The following PTPRT variants were observed in gnomAD, a reference collection of about 807,000 sequenced individuals.
The protein encoded by PTPRT is protein tyrosine phosphatase receptor type T.
PTPRT carries 56 observed loss-of-function variants against 176.8 expected under a neutral mutation model. The ratio of observed to expected loss-of-function variants is 0.32; its 90% CI spans 0.26 to 0.40. The LOEUF is 0.40. Among genes scored for constraint, PTPRT ranks in the 10% least tolerant of loss-of-function variants. PTPRT has a pLI of 1.00. For missense variants in PTPRT, 1,540 were observed against 1,908.2 expected (o/e 0.81, Z 3.60); for synonymous variants, 783 against 739.0 (o/e 1.06, Z -0.96).
At chr20:42,720,203 T>C (rs1473657218) in intron 6 of PTPRT, among the ~76,000 whole-genome samples, 1 of 152,204 alleles carries the variant, frequency 6.6e-6, no homozygotes, top group African/African-American at 2.4e-5. Flanking sequence ...TGAATATATA[T>C]TGAACATTGC....
intron 6 of PTPRT, among the ~76,000 whole-genome samples, chr20:42,749,018 A>ATG (rs1035397006): frequency 1.3e-5 from 2 of 152,116 alleles, no homozygotes; most frequent in Admixed American, 6.5e-5. Flanking sequence ...TCTCAACGCC[A>ATG]TGTGCCTTTT....
intron 6 of PTPRT, among the ~76,000 whole-genome samples, chr20:42,741,822 C>T (rs760327074): frequency 7.0e-4 from 107 of 152,004 alleles, no homozygotes; most frequent in Non-Finnish European, 6.0e-4. Flanking sequence ...GTACTAGATA[C>T]GGGTCAATAA....
At chr20:42,832,206 C>A (rs1004401271) in intron 2 of PTPRT, among the ~76,000 whole-genome samples, 8 of 152,242 alleles carry the variant, frequency 5.3e-5, no homozygotes, top group African/African-American at 1.9e-4. Context: ...TGAATGAGAT[C>A]ATGTCTTGCA....
At chr20:42,215,377 G>A (rs757066761) in intron 15 of PTPRT, among the ~76,000 whole-genome samples, 36 of 152,194 alleles carry the variant, frequency 2.4e-4, no homozygotes, top group Non-Finnish European at 4.7e-4. Flanking sequence ...CAGAGTTACT[G>A]TGATGATGAG....
At chr20:42,083,244 G>A (rs183646631) in intron 29 of PTPRT, among the ~76,000 whole-genome samples, 28 of 152,188 alleles carry the variant, frequency 1.8e-4, no homozygotes, top group Non-Finnish European at 3.4e-4. Context: ...AAAGGAAGAG[G>A]TGAGTAGACA....
chr20:43,148,641 T>C (rs923587230), intron 1 of PTPRT, among the ~76,000 whole-genome samples: 1 of 152,186 alleles, frequency 6.6e-6, no homozygotes. Flanking sequence ...CAGTGGGTCA[T>C]TGCTCATTAA....
intron 1 of PTPRT, among the ~76,000 whole-genome samples, chr20:43,145,061 C>T (rs1568810907): frequency 6.6e-6 from 1 of 152,172 alleles, no homozygotes; most frequent in Admixed American, 6.5e-5. Context: ...TCACCCCTAC[C>T]CTCTGCTTCT....
At chr20:42,896,203 C>A (rs1044561107) in intron 1 of PTPRT, among the ~76,000 whole-genome samples, 13 of 152,156 alleles carry the variant, frequency 8.5e-5, no homozygotes, top group Admixed American at 8.5e-4. Context: ...AGATCAGGGA[C>A]TGAGCCAAGA....
In PTPRT at chr20:42,779,673, C is replaced by A. The variant is rs537921466; in HGVS notation, c.568+545G>T. 2.0e-5 allele frequency among the ~76,000 whole-genome samples: 3 copies of A among 152,202 alleles called. No homozygotes were observed. The South Asian group carries it at 6.2e-4, about 31-fold the overall frequency. On this transcript the variant is annotated intron_variant, in intron 4 of 30. Coordinates refer to ENST00000373187, the MANE Select transcript of PTPRT (RefSeq NM_007050.6). ...AGTAGATGGGTATGGAGGAGTGCCA[C>A]GCCTTTGAGGACTCTTGACGCTGTA...
intron 7 of PTPRT, among the ~76,000 whole-genome samples, chr20:42,648,083 C>T (rs1355327476): frequency 1.4e-5 from 2 of 146,586 alleles, no homozygotes; most frequent in African/African-American, 2.5e-5. Flanking sequence ...TCTGGGGAAA[C>T]GGCTCCCCTG....
intron 6 of PTPRT, among the ~76,000 whole-genome samples, chr20:42,696,580 C>A (rs750839956): frequency 3.1e-4 from 47 of 152,050 alleles, no homozygotes; most frequent in Non-Finnish European, 5.4e-4. Context: ...CTCAGCCTCC[C>A]AAGTAGCTGG....
chr20:42,923,622 T>C (rs1322795441), intron 1 of PTPRT, among the ~76,000 whole-genome samples: 1 of 152,176 alleles, frequency 6.6e-6, no homozygotes, highest in African/African-American at 2.4e-5. Flanking sequence ...ATTTTGCCTT[T>C]AAGAAAACCA....
chr20:42,834,161 A>G (rs1379005726), intron 2 of PTPRT, among the ~76,000 whole-genome samples: 3 of 152,206 alleles, frequency 2.0e-5, no homozygotes, highest in Non-Finnish European at 2.9e-5. Flanking sequence ...TCAAAGCTTA[A>G]TAACAGCTCA....
At chr20:42,147,988 C>A (rs1195782931) in intron 17 of PTPRT, among the ~76,000 whole-genome samples, 1 of 152,168 alleles carries the variant, frequency 6.6e-6, no homozygotes, top group Non-Finnish European at 1.5e-5. Flanking sequence ...AAGAGAGACT[C>A]ATTTCCATCT....
intron 7 of PTPRT, among the ~76,000 whole-genome samples, chr20:42,577,392 C>CT (rs1222504739): frequency 6.6e-6 from 1 of 152,164 alleles, no homozygotes; most frequent in African/African-American, 2.4e-5. Flanking sequence ...GACCACCAGG[C>CT]TGTGCTGCAG....
intron 6 of PTPRT, among the ~76,000 whole-genome samples, chr20:42,718,168 T>C (rs773845638): frequency 8.5e-5 from 13 of 152,238 alleles, no homozygotes; most frequent in Non-Finnish European, 1.5e-4. Context: ...GTCTAAATAA[T>C]AGAAACAACT....
intron 1 of PTPRT, among the ~76,000 whole-genome samples, chr20:43,181,514 A>G (rs1439147381): frequency 2.6e-5 from 4 of 152,214 alleles, no homozygotes; most frequent in Non-Finnish European, 5.9e-5. Flanking sequence ...CGGTGACCTC[A>G]GCTTCTCAGT....
chr20:42,348,010 T>C (rs568568033), intron 11 of PTPRT, among the ~76,000 whole-genome samples: 1 of 152,342 alleles, frequency 6.6e-6, no homozygotes, highest in Non-Finnish European at 1.5e-5. Context: ...CCTTACTGTA[T>C]CCCTATTGCT....
chr20:42,949,173 T>C (rs776500837), intron 1 of PTPRT, among the ~76,000 whole-genome samples: 18 of 152,246 alleles, frequency 1.2e-4, no homozygotes, highest in Admixed American at 3.3e-4. Context: ...TCCCTGGACA[T>C]GCAAGTCATT....
Sources: allele counts gnomAD v4.1 joint callset (sites outside exome capture counted in the v4.1 genomes callset), GRCh38; gene constraint gnomAD v4.1.1; transcripts MANE v1.5; gene names NCBI Gene and HGNC (gene_info 2026-07-23, HGNC 2026-07-21).